The following NRG1 variants were observed in gnomAD, a reference collection of about 807,000 sequenced individuals.
NRG1 encodes neuregulin 1.
NRG1 carries 18 observed loss-of-function variants against 63.8 expected under a neutral mutation model. The observed-to-expected ratio is 0.28, with a 90% confidence interval of 0.19 to 0.42. NRG1 has a LOEUF of 0.42. Among genes scored for constraint, NRG1 ranks in the 10% least tolerant of loss-of-function variants. The pLI, the probability that NRG1 is intolerant of heterozygous loss-of-function variation, is 1.00. For missense variants in NRG1, 762 were observed against 814.7 expected, an observed-to-expected ratio of 0.94 and a Z score of 0.79; for synonymous variants, 302 against 301.3, an observed-to-expected ratio of 1.00 and a Z score of -0.02.
intron 1 of NRG1, among the ~76,000 whole-genome samples, chr8:32,146,973 T>G (rs2131789888): frequency 6.6e-6 from 1 of 152,262 alleles, no homozygotes; most frequent in Non-Finnish European, 1.5e-5. Context: ...TCATGAGAAT[T>G]TAATAAGAGA....
intron 1 of NRG1, among the ~76,000 whole-genome samples, chr8:32,014,176 T>C (rs1414305965): frequency 6.6e-6 from 1 of 152,218 alleles, no homozygotes; most frequent in Non-Finnish European, 1.5e-5. Flanking sequence ...TGACTCTTCC[T>C]ATCTATGAGC....
intron 1 of NRG1, among the ~76,000 whole-genome samples, chr8:32,229,565 C>G (rs537073807): frequency 5.5e-4 from 84 of 152,278 alleles, no homozygotes; most frequent in Non-Finnish European, 9.3e-4. Flanking sequence ...AACAGACACC[C>G]TCTGCCAGGT....
At chr8:31,960,660 A>G (rs1041706178) in intron 1 of NRG1, among the ~76,000 whole-genome samples, 5 of 152,242 alleles carry the variant, frequency 3.3e-5, no homozygotes, top group Admixed American at 2.0e-4. Flanking sequence ...GCTTGTTGTC[A>G]AAGAAGTGAT....
intron 1 of NRG1, among the ~76,000 whole-genome samples, chr8:32,034,498 GT>G (rs2130537309): frequency 6.6e-6 from 1 of 152,178 alleles, no homozygotes; most frequent in Non-Finnish European, 1.5e-5. Context: ...TCTTTCAATT[GT>G]TTGGAATAGT....
intron 1 of NRG1, among the ~76,000 whole-genome samples, chr8:32,454,968 C>T (rs1307759282): frequency 1.3e-5 from 2 of 152,106 alleles, no homozygotes; most frequent in South Asian, 2.1e-4. Flanking sequence ...CCTTGTATTA[C>T]GGTTCTCTAG....
chr8:32,038,175 G>A (rs777307881), intron 1 of NRG1, among the ~76,000 whole-genome samples: 3 of 152,326 alleles, frequency 2.0e-5, no homozygotes, highest in South Asian at 2.1e-4. Context: ...TGGGAAAAGC[G>A]TGCTTTTCAG....
At chr8:32,755,899 GC>G (rs1829590750) in intron 8 of NRG1, among the ~76,000 whole-genome samples, 1 of 151,836 alleles carries the variant, frequency 6.6e-6, no homozygotes, top group Non-Finnish European at 1.5e-5. Flanking sequence ...CACGCCACCA[GC>G]CCGGCTAATT....
At chr8:32,521,922 G>A (rs907115715) in intron 1 of NRG1, among the ~76,000 whole-genome samples, 2 of 152,088 alleles carry the variant, frequency 1.3e-5, no homozygotes, top group African/African-American at 4.8e-5. Flanking sequence ...AAATATGAGA[G>A]CTCTTAATAA....
chr8:32,709,371 T>C (rs1264175252), intron 5 of NRG1, among the ~76,000 whole-genome samples: 2 of 152,182 alleles, frequency 1.3e-5, no homozygotes, highest in African/African-American at 4.8e-5. Flanking sequence ...TTTGAACAAA[T>C]CTGTGACTTA....
intron 1 of NRG1, among the ~76,000 whole-genome samples, chr8:32,133,639 A>G (rs1351501960): frequency 6.6e-6 from 1 of 152,122 alleles, no homozygotes; most frequent in Non-Finnish European, 1.5e-5. Flanking sequence ...ATCACTCATT[A>G]TTAATGCTTC....
chr8:32,012,619 A>G (rs996278613), intron 1 of NRG1, among the ~76,000 whole-genome samples: 1 of 152,142 alleles, frequency 6.6e-6, no homozygotes, highest in Non-Finnish European at 1.5e-5. Context: ...TTTTGTCTCC[A>G]TCATTTATAG....
rs551654452 is a variant in NRG1, at chr8:32,557,804, T to C, written c.100+8978T>C. Among the ~76,000 whole-genome samples, 4 of 152,276 alleles carry C rather than the reference T, an allele frequency of 2.6e-5. No individual in the cohort carries two copies. In the East Asian group the frequency reaches 5.8e-4, roughly 22 times the overall value. On this transcript the variant is annotated intron_variant, in intron 1 of 11. Coordinates refer to ENST00000356819, the Ensembl canonical transcript of NRG1. ...GTCAAGAGGAAACCAATAATTTGAA[T>C]ACTGAGTTGAATGGAAAATGAAATA...
intron 1 of NRG1, among the ~76,000 whole-genome samples, chr8:32,413,486 G>A (rs549818111): frequency 1.1e-4 from 16 of 152,146 alleles, no homozygotes; most frequent in Non-Finnish European, 2.2e-4. Context: ...GCAGAAAAAG[G>A]AGATTAGATA....
chr8:32,101,825 G>T (rs576208062), intron 1 of NRG1, among the ~76,000 whole-genome samples: 12 of 152,258 alleles, frequency 7.9e-5, no homozygotes, highest in Non-Finnish European at 1.6e-4. Context: ...CTTCCCAACT[G>T]TACCGAGATT....
chr8:32,089,416 G>C (rs1828765780), intron 1 of NRG1, among the ~76,000 whole-genome samples: 1 of 152,160 alleles, frequency 6.6e-6, no homozygotes, highest in African/African-American at 2.4e-5. Context: ...TATGAAACAT[G>C]AATATTTTGT....
chr8:31,854,083 T>A (rs1035789936), intron 1 of NRG1, among the ~76,000 whole-genome samples: 2 of 151,690 alleles, frequency 1.3e-5, no homozygotes, highest in Admixed American at 1.3e-4. Context: ...CTTTTTTTGT[T>A]GTGTCTCTGC....
intron 1 of NRG1, among the ~76,000 whole-genome samples, chr8:32,280,650 T>C (rs1375531736): frequency 6.6e-6 from 1 of 150,692 alleles, no homozygotes; most frequent in African/African-American, 2.4e-5. Context: ...TCACATGTCA[T>C]TGTGGGTGTC....
intron 1 of NRG1, among the ~76,000 whole-genome samples, chr8:31,778,381 G>A (rs1269756911): frequency 6.6e-6 from 1 of 152,058 alleles, no homozygotes; most frequent in African/African-American, 2.4e-5. Flanking sequence ...ATATATACCA[G>A]GCATGGGAAT....
chr8:31,837,191 A>C (rs1293209299), intron 1 of NRG1, among the ~76,000 whole-genome samples: 2 of 152,006 alleles, frequency 1.3e-5, no homozygotes, highest in African/African-American at 4.8e-5. Flanking sequence ...CATTTTCTTC[A>C]GTTGTTTGCC....
Sources: allele counts gnomAD v4.1 joint callset (sites outside exome capture counted in the v4.1 genomes callset), GRCh38; gene constraint gnomAD v4.1.1; transcripts MANE v1.5; gene names NCBI Gene and HGNC (gene_info 2026-07-23, HGNC 2026-07-21).